The following OXNAD1 variants were observed in gnomAD, a reference collection of about 807,000 sequenced individuals.
OXNAD1 encodes the protein oxidoreductase NAD-binding domain-containing protein 1.
OXNAD1 carries 34 observed loss-of-function variants against 32.9 expected under a neutral mutation model. The ratio of observed to expected loss-of-function variants is 1.03; its 90% confidence interval spans 0.79 to 1.38. OXNAD1 has a LOEUF of 1.38. OXNAD1 is among the 40% of genes most tolerant of loss of function. The pLI is 0.00. For synonymous variants in OXNAD1, 134 were observed against 135.2 expected (o/e 0.99, Z 0.06); for missense variants, 407 against 379.4 (o/e 1.07, Z -0.60).
Position 16,270,996 on chromosome 3 carries a change from C to G in OXNAD1, c.44C>G (p.Ser15Cys), listed in dbSNP as rs771247111. The G allele has an allele frequency of 6.2e-7, 1 of 1,614,176 alleles. No individual in the cohort carries two copies. The highest frequency in any genetic ancestry group is 8.5e-7 in the Non-Finnish European group (1 of 1,180,036). Residue 15 changes from serine to cysteine, a missense_variant, in exon 3 of 9, where the codon TCT becomes TGT. Transcript: ENST00000285083. ...AVMIPGLLRC[S>C]VGAIRIEAAS... ...ATGATTCCTGGGTTGTTGCGGTGCT[C>G]TGTTGGAGCCATCCGTATTGAGGCT...
rs557756820 is a variant in OXNAD1 at position 16,273,834 on chromosome 3, A to G, written c.183+2112A>G. ...TATTTCTCACATTTTTATTGTTACC[A>G]CAAAGTCTTTTACATTTTTCAAATT... On this transcript the variant is annotated intron_variant, in intron 4 of 8. Coordinates refer to ENST00000285083, the MANE Select transcript of OXNAD1 (RefSeq NM_138381.5). Among the ~76,000 whole-genome samples, 6 of 152,338 alleles carry G rather than the reference A, an allele frequency of 3.9e-5. No individual in the cohort carries two copies. In the South Asian group the frequency reaches 1.0e-3, roughly 26 times the overall value.
At position 16,316,801 on chromosome 3, in the gene OXNAD1, C is replaced by T. The variant is rs2068438510; in HGVS notation, c.*30+13209C>T. The T allele has an allele frequency of 1.9e-6, 3 of 1,612,840 alleles. No individual in the cohort carries two copies. The East Asian group carries it at 6.7e-5, about 36-fold the overall frequency. ...AGATGCCTTGGGTTTGGCAACTCAC[C>T]TAGTTTTAGCACAAATTGCCCAAGA... On this transcript the variant is annotated intron_variant, in intron 9 of 9. Transcript: ENST00000435829. The surrounding 1 kb of genome is among the most constrained non-coding windows in gnomAD (Gnocchi z 4.5).
chr3:16,273,497 G>C (rs1420556255), intron 4 of OXNAD1, among the ~76,000 whole-genome samples: 1 of 149,796 alleles, frequency 6.7e-6, no homozygotes, highest in Non-Finnish European at 1.5e-5. Context: ...AAGCTCGACT[G>C]ATCCTCCTGC....
chr3:16,281,533 C>T (rs2065739039), intron 4 of OXNAD1, among the ~76,000 whole-genome samples: 2 of 152,096 alleles, frequency 1.3e-5, no homozygotes, highest in South Asian at 4.1e-4. Context: ...AATTGAAATC[C>T]TAAACACTTC....
In OXNAD1 at chr3:16,302,534, C is replaced by T. The variant is rs542722047; in HGVS notation, c.676-106C>T. On this transcript the variant is annotated intron_variant, in intron 7 of 8. Transcript: ENST00000285083. This position sits in a 1 kb window ranked among gnomAD's most constrained non-coding sequence, Gnocchi z 4.2. Reference sequence around the variant, plus strand: ...TATCTCTCTAAGTAGAGAGCGAGAGCGGCAGACGTGTGCAGAATGGGAGTT... The same window carrying T: ...TATCTCTCTAAGTAGAGAGCGAGAGTGGCAGACGTGTGCAGAATGGGAGTT... The T allele has an allele frequency of 5.6e-5, 41 of 728,724 alleles. No homozygotes were observed. Among genetic ancestry groups the T allele is most frequent in the South Asian group, 5.2e-4 (30 of 58,088 alleles). The allele number at this position is 728,724 out of a possible 1,614,324, so 45.1% of individuals were successfully genotyped here. A position where few individuals can be genotyped will look rare whatever the true frequency, so the allele number is the denominator to read the frequency against.
chr3:16,349,206 CAAG>C (rs749854769), exon 10 of OXNAD1: 3 of 152,184 alleles, frequency 2.0e-5, no homozygotes, highest in Non-Finnish European at 4.4e-5. Context: ...TCTCCAGAGA[CAAG>C]AAGAAAAAGA....
At chr3:16,295,481 G>A (rs930739055) in intron 6 of OXNAD1, among the ~76,000 whole-genome samples, 3 of 152,014 alleles carry the variant, frequency 2.0e-5, no homozygotes, top group East Asian at 1.9e-4. Context: ...CTCTTCACTC[G>A]GGATTCTGAG....
chr3:16,327,266 G>A lies in OXNAD1; in HGVS notation c.*31-9846G>A, dbSNP rs547195152. Among the ~76,000 whole-genome samples, 1 of 152,252 alleles carries A rather than the reference G, an allele frequency of 6.6e-6. No homozygotes were observed. Among genetic ancestry groups the A allele is most frequent in the South Asian group, 2.1e-4 (1 of 4,810 alleles). On this transcript the variant is annotated intron_variant, in intron 9 of 9. Transcript: ENST00000435829. The surrounding 1 kb of genome is among the most constrained non-coding windows in gnomAD (Gnocchi z 4.2). Reference sequence around the variant, plus strand: ...CTGAATGAGTTCAGAGCGTGTTGTGGGGAGTTAACTTACATTTGACAAATG... The same window carrying A: ...CTGAATGAGTTCAGAGCGTGTTGTGAGGAGTTAACTTACATTTGACAAATG...
chr3:16,316,662 C>T lies in OXNAD1; in HGVS notation c.*30+13070C>T, dbSNP rs1205004474. On this transcript the variant is annotated intron_variant, in intron 9 of 9. Transcript: ENST00000435829. The surrounding 1 kb of genome is among the most constrained non-coding windows in gnomAD (Gnocchi z 4.5). ...GTGGATGTGCAAAAACCAACACTGT[C>T]AGGAACCTGGCCCTGGGAGGGCTCA... is the stretch of plus-strand genomic sequence containing the variant. 15 of 753,984 alleles carry T rather than the reference C, an allele frequency of 2.0e-5. No homozygotes were observed. Among genetic ancestry groups the T allele is most frequent in the Non-Finnish European group, 3.1e-5 (14 of 444,462 alleles). The allele number at this position is 753,984 out of a possible 1,614,324, so 46.7% of individuals were successfully genotyped here.
chr3:16,336,221 T>C lies in OXNAD1; in HGVS notation c.*31-891T>C, dbSNP rs2070834907. On this transcript the variant is annotated intron_variant, in intron 9 of 9. Transcript: ENST00000435829. The surrounding 1 kb of genome is among the most constrained non-coding windows in gnomAD (Gnocchi z 6.0). The stretch of plus-strand genomic sequence containing the variant: ...CCCTCAGGATGCTAAAGGGCAGGGC[T>C]ATGCCTGGTATCACTGTTCATTCAT... Among the ~76,000 whole-genome samples the C allele has an allele frequency of 6.6e-6, 1 of 152,262 alleles. No individual in the cohort carries two copies. Among genetic ancestry groups the C allele is most frequent in the Non-Finnish European group, 1.5e-5 (1 of 68,050 alleles).
At chr3:16,274,263 A>G (rs1215817303) in intron 4 of OXNAD1, among the ~76,000 whole-genome samples, 4 of 152,070 alleles carry the variant, frequency 2.6e-5, no homozygotes, top group Non-Finnish European at 5.9e-5. Context: ...TGGTTTATAA[A>G]TATAACTATA....
At position 16,336,739 on chromosome 3, in the gene OXNAD1, C is replaced by G. The variant is rs760654947; in HGVS notation, c.*31-373C>G. 5.9e-5 allele frequency among the ~76,000 whole-genome samples: 9 copies of G among 151,996 alleles called. No individual in the cohort carries two copies. Among genetic ancestry groups the G allele is most frequent in the Admixed American group, 1.3e-4 (2 of 15,270 alleles). Reference sequence around the variant, plus strand: ...GAAAATACATGTAGTGCATAAAAAGCTTCAGTTCTGAGACTCTTTACCCAC... The same window carrying G: ...GAAAATACATGTAGTGCATAAAAAGGTTCAGTTCTGAGACTCTTTACCCAC... On this transcript the variant is annotated intron_variant, in intron 9 of 9. Transcript: ENST00000435829. The surrounding 1 kb of genome is among the most constrained non-coding windows in gnomAD (Gnocchi z 6.0).
At chr3:16,318,962 C>T (rs1463494311) in intron 9 of OXNAD1, among the ~76,000 whole-genome samples, 1 of 152,184 alleles carries the variant, frequency 6.6e-6, no homozygotes, top group Non-Finnish European at 1.5e-5. Flanking sequence ...GCAGGCATCT[C>T]GAGGCTCCAA....
At position 16,327,742 on chromosome 3, in the gene OXNAD1, CAG is replaced by C. The variant is rs1480393915; in HGVS notation, c.*31-9367_*31-9366del. 1.3e-5 allele frequency among the ~76,000 whole-genome samples: 2 copies of C among 149,714 alleles called. No individual in the cohort carries two copies. The highest frequency in any genetic ancestry group is 1.3e-4 in the Admixed American group (2 of 14,972). On this transcript the variant is annotated intron_variant, in intron 9 of 9. Coordinates refer to the OXNAD1 transcript ENST00000435829. The surrounding 1 kb of genome is among the most constrained non-coding windows in gnomAD (Gnocchi z 4.2). ...CACCACTGCACTCCAGCCTGGGTGA[CAG>C]AGCGGGATTCCCATCTCAAAAAAAA...
downstream of OXNAD1, among the ~76,000 whole-genome samples, chr3:16,350,621 T>C (rs2072035776): frequency 6.6e-6 from 1 of 152,110 alleles, no homozygotes; most frequent in South Asian, 2.1e-4. Flanking sequence ...GCTGCTAAAG[T>C]AGATCTGAGG....
At chr3:16,325,200 C>T (rs532398940) in intron 9 of OXNAD1, among the ~76,000 whole-genome samples, 1 of 152,324 alleles carries the variant, frequency 6.6e-6, no homozygotes, top group South Asian at 2.1e-4. Flanking sequence ...AGCTTCACCT[C>T]AATGCTCCAC....
At chr3:16,323,246 G>T in intron 9 of OXNAD1, 1 of 661,214 alleles carries the variant, frequency 1.5e-6, no homozygotes, top group Non-Finnish European at 2.6e-6. Flanking sequence ...GTTGCCAGGG[G>T]CTCAGGTGTT....
chr3:16,308,619 A>G (rs2067738999), downstream of OXNAD1, among the ~76,000 whole-genome samples: 1 of 152,156 alleles, frequency 6.6e-6, no homozygotes, highest in South Asian at 2.1e-4. This position sits in a 1 kb window ranked among gnomAD's most constrained non-coding sequence, Gnocchi z 4.4. Flanking sequence ...GGTCTTTAAT[A>G]TTACTCTTTC....
At chr3:16,272,190 G>A (rs1309495624) in intron 4 of OXNAD1, 1 of 452,972 alleles carries the variant, frequency 2.2e-6, no homozygotes, top group Non-Finnish European at 4.4e-6. Flanking sequence ...TCTGAGAAAG[G>A]AAAGTGGACG....
Sources: gnomAD v4.1 joint callset for allele counts (sites outside exome capture counted in the v4.1 genomes callset) on GRCh38, gnomAD v4.1.1 for gene constraint, Gnocchi (gnomAD v3.1) non-coding constraint, MANE v1.5 for transcripts, NCBI Gene and HGNC (gene_info 2026-07-23, HGNC 2026-07-21) for gene names.